KIAA1671: variants seen among roughly 807,000 people sequenced by gnomAD.
The protein encoded by KIAA1671 is uncharacterized protein KIAA1671.
Under a neutral mutation model 131.2 loss-of-function variants are expected in KIAA1671, and 52 were observed. The observed-to-expected ratio is 0.40, with a 90% CI of 0.32 to 0.50. KIAA1671 has a LOEUF of 0.50. Among genes scored for constraint, KIAA1671 ranks in the 20% least tolerant of loss-of-function variants. KIAA1671 has a pLI of 0.73. For missense variants in KIAA1671, 2,360 were observed against 2,364.2 expected (o/e 1.00, Z 0.04); for synonymous variants, 1,003 against 961.6 (o/e 1.04, Z -0.80).
chr22:25,027,052 G>A (rs2123899685), intron 2 of KIAA1671, among the ~76,000 whole-genome samples: 1 of 152,314 alleles, frequency 6.6e-6, no homozygotes, highest in East Asian at 1.9e-4. Context: ...AGAAGCATGT[G>A]GCATAGCTCG....
At chr22:25,085,335 C>T (rs1929647443) in intron 6 of KIAA1671, among the ~76,000 whole-genome samples, 1 of 152,192 alleles carries the variant, frequency 6.6e-6, no homozygotes, top group Non-Finnish European at 1.5e-5. Context: ...GTTGAGTATG[C>T]CACAGTCAGA....
At chr22:25,132,271 C>T (rs1443663606) in intron 6 of KIAA1671, among the ~76,000 whole-genome samples, 7 of 152,166 alleles carry the variant, frequency 4.6e-5, no homozygotes, top group Admixed American at 4.6e-4. Context: ...AATGCAAGTA[C>T]CCAGGCCCCA....
chr22:25,167,769 C>T (rs62231222), intron 6 of KIAA1671, among the ~76,000 whole-genome samples: 7,326 of 152,114 alleles, frequency 0.048, 250 homozygotes, highest in Non-Finnish European at 0.075. Context: ...ATTCTGAATT[C>T]CCGTCCTTGT....
At chr22:25,094,363 T>C (rs377744696) in intron 6 of KIAA1671, among the ~76,000 whole-genome samples, 1 of 152,198 alleles carries the variant, frequency 6.6e-6, no homozygotes, top group East Asian at 1.9e-4. Flanking sequence ...GAATCCGGGA[T>C]GGAGACCTGA....
Position 25,124,598 on chromosome 22 carries a change from C to T in KIAA1671, c.4531-46222C>T, listed in dbSNP as rs531986205. Among the ~76,000 whole-genome samples the T allele has an allele frequency of 7.9e-5, 12 of 152,276 alleles. No individual in the cohort carries two copies. The South Asian group carries it at 2.5e-3, about 32-fold the overall frequency. On this transcript the variant is annotated intron_variant, in intron 6 of 12. Coordinates refer to ENST00000358431, the MANE Select transcript of KIAA1671 (RefSeq NM_001145206.2). ...AGACAGGTGACTTTAATTCTGCAAG[C>T]CTCAGATGCCTTGTGAAGTACCCAG...
At chr22:24,958,980 C>CAAAAA (rs59084421) in intron 1 of KIAA1671, among the ~76,000 whole-genome samples, 15 of 77,190 alleles carry the variant, frequency 1.9e-4, no homozygotes, top group Non-Finnish European at 2.8e-4. Flanking sequence ...AACTTCGTAT[C>CAAAAA]AAAAAAAAAA....
intron 1 of KIAA1671, chr22:25,012,363 C>T (rs1015648683): frequency 6.6e-6 from 1 of 151,878 alleles, no homozygotes; most frequent in African/African-American, 2.4e-5. Context: ...ACCTCTGCCT[C>T]CCCAGTTCAA....
In KIAA1671 at chr22:25,067,708, C is replaced by G. The variant is rs192528947; in HGVS notation, c.4530+18344C>G. ...TGCCTCCTTCCAGCCCCTTTCTCTC[C>G]GGGCATTTCTCTGTCCTGGGCTGAT... is the stretch of plus-strand genomic sequence containing the variant. On this transcript the variant is annotated intron_variant, in intron 6 of 12. Transcript: ENST00000358431. Among the ~76,000 whole-genome samples, 250 of 152,292 alleles carry G rather than the reference C, an allele frequency of 1.6e-3. 1 individual carries two copies. The highest frequency in any genetic ancestry group is 5.5e-3 in the African/African-American group (230 of 41,568).
At chr22:25,068,988 A>G (rs1928659548) in intron 6 of KIAA1671, among the ~76,000 whole-genome samples, 1 of 149,042 alleles carries the variant, frequency 6.7e-6, no homozygotes, top group African/African-American at 2.6e-5. Flanking sequence ...GCTGTCTTGC[A>G]TCCGGCGCTC....
At chr22:24,962,110 A>AT (rs1922047421) in intron 1 of KIAA1671, among the ~76,000 whole-genome samples, 1 of 152,140 alleles carries the variant, frequency 6.6e-6, no homozygotes, top group Non-Finnish European at 1.5e-5. Flanking sequence ...CTTGATGATG[A>AT]TTTTTGTGCT....
chr22:25,152,540 C>G (rs1015951150), intron 6 of KIAA1671, among the ~76,000 whole-genome samples: 1 of 152,204 alleles, frequency 6.6e-6, no homozygotes, highest in Non-Finnish European at 1.5e-5. Context: ...ATAAATGCCA[C>G]ACCAGGTTTG....
chr22:25,026,534 C>T (rs1925952108), intron 2 of KIAA1671, among the ~76,000 whole-genome samples: 1 of 152,026 alleles, frequency 6.6e-6, no homozygotes, highest in Non-Finnish European at 1.5e-5. Flanking sequence ...AGTTCGAGAC[C>T]AGCCTGGCCA....
At chr22:25,174,184 C>G (rs577759919) in intron 7 of KIAA1671, 56 bp from the exon 8 acceptor site, 609 of 1,530,942 alleles carry the variant, frequency 4.0e-4, no homozygotes, top group Non-Finnish European at 5.2e-4. Context: ...ACTTGAAATC[C>G]CGTTCTCTGA....
At chr22:24,984,403 A>G (rs1225137476) in intron 1 of KIAA1671, among the ~76,000 whole-genome samples, 2 of 152,168 alleles carry the variant, frequency 1.3e-5, no homozygotes, top group Non-Finnish European at 2.9e-5. Flanking sequence ...TTCTCAACAC[A>G]CCTGGAGGCA....
intron 4 of KIAA1671, among the ~76,000 whole-genome samples, chr22:25,037,183 T>C (rs1926649196): frequency 6.6e-6 from 1 of 151,494 alleles, no homozygotes. Flanking sequence ...ATTGGCTGGG[T>C]GTAGTGATGC....
chr22:25,058,936 G>A (rs1160118875), intron 6 of KIAA1671: 1 of 152,246 alleles, frequency 6.6e-6, no homozygotes, highest in Non-Finnish European at 1.5e-5. Context: ...TGTCACCCCT[G>A]GGCAAGGCCT....
chr22:25,069,092 TCTCA>T (rs997614882), intron 6 of KIAA1671, among the ~76,000 whole-genome samples: 2 of 152,214 alleles, frequency 1.3e-5, no homozygotes, highest in Non-Finnish European at 2.9e-5. Context: ...TGAATCCCTG[TCTCA>T]CTGTTTAGCT....
At chr22:25,023,373 A>AAAATAAAAAATAAAAT (rs1435182363) in intron 1 of KIAA1671, 10 of 152,186 alleles carry the variant, frequency 6.6e-5, no homozygotes, top group African/African-American at 2.4e-4. Context: ...TAAAAATATA[A>AAAATAAAAAATAAAAT]AAATAAAAAA....
At chr22:24,969,166 G>T (rs1006643152) in intron 1 of KIAA1671, among the ~76,000 whole-genome samples, 1 of 152,154 alleles carries the variant, frequency 6.6e-6, no homozygotes, top group African/African-American at 2.4e-5. Flanking sequence ...CTCCCAAAGT[G>T]CTGGCACTAC....
Sources: gnomAD v4.1 joint callset for allele counts (sites outside exome capture counted in the v4.1 genomes callset) on GRCh38, gnomAD v4.1.1 for gene constraint, MANE v1.5 for transcripts, NCBI Gene and HGNC (gene_info 2026-07-23, HGNC 2026-07-21) for gene names.